The following SH3BP5 variants were observed in gnomAD, a reference collection of about 807,000 sequenced individuals.
The protein encoded by SH3BP5 is SH3 domain binding protein 5.
SH3BP5 carries 22 observed loss-of-function variants against 43.3 expected under a neutral mutation model. The ratio of observed to expected loss-of-function variants is 0.51; its 90% CI spans 0.36 to 0.73. The LOEUF (loss-of-function observed/expected upper bound fraction) is 0.73, where lower values mean the gene tolerates loss of function less well. Among genes scored for constraint, SH3BP5 ranks in the 30% least tolerant of loss-of-function variants. SH3BP5 has a pLI of 0.00. For synonymous variants in SH3BP5, 255 were observed against 225.8 expected (o/e 1.13, Z -1.16); for missense variants, 529 against 586.9 (o/e 0.90, Z 1.02).
chr3:15,277,456 G>A (rs1235243458), intron 3 of SH3BP5, among the ~76,000 whole-genome samples: 1 of 152,176 alleles, frequency 6.6e-6, no homozygotes, highest in East Asian at 1.9e-4. Flanking sequence ...CCAACGAGGA[G>A]CAGAGGAGAA....
chr3:15,332,104 T>A, intron 1 of SH3BP5, 167 bp downstream of exon 1: 1 of 1,114,742 alleles, frequency 9.0e-7, no homozygotes, highest in Non-Finnish European at 1.3e-6. Flanking sequence ...GCCTCCTCAT[T>A]GTGGAGACGA....
At chr3:15,300,741 G>A (rs1207342691) in intron 3 of SH3BP5, among the ~76,000 whole-genome samples, 1 of 152,132 alleles carries the variant, frequency 6.6e-6, no homozygotes, top group Non-Finnish European at 1.5e-5. Context: ...TTGGGGTTGA[G>A]GGGTAGGAGT....
In SH3BP5 at chr3:15,307,120, GC is replaced by G. The variant is rs561786494; in HGVS notation, c.202-2890del. Among the ~76,000 whole-genome samples, 20 of 152,274 alleles carry G rather than the reference GC, an allele frequency of 1.3e-4. No homozygotes were observed. The East Asian group carries it at 3.3e-3, about 25-fold the overall frequency. On this transcript the variant is annotated intron_variant, in intron 2 of 8. Coordinates refer to ENST00000383791, the MANE Select transcript of SH3BP5 (RefSeq NM_004844.5). Reference sequence around the variant, plus strand: ...GGCATTCCAAAATATGAGGATAAAAGCTTTACCTCCCATGGGAGCACCTCAG... The same window carrying G: ...GGCATTCCAAAATATGAGGATAAAAGTTTACCTCCCATGGGAGCACCTCAG...
chr3:15,275,197 C>T (rs1211323416), intron 3 of SH3BP5, among the ~76,000 whole-genome samples: 1 of 152,220 alleles, frequency 6.6e-6, no homozygotes, highest in African/African-American at 2.4e-5. Context: ...TTCTGCAAAG[C>T]AGGAGTGTAT....
intron 2 of SH3BP5, among the ~76,000 whole-genome samples, chr3:15,316,374 A>G (rs2125127923): frequency 6.6e-6 from 1 of 151,992 alleles, no homozygotes; most frequent in South Asian, 2.1e-4. Context: ...ACAGGTGCCC[A>G]CGACCACACT....
chr3:15,340,049 T>C (rs1021629280), intron 1 of SH3BP5, among the ~76,000 whole-genome samples: 1 of 152,140 alleles, frequency 6.6e-6, no homozygotes, highest in Non-Finnish European at 1.5e-5. Flanking sequence ...CTCATCACCA[T>C]GACCCAGCTT....
intron 7 of SH3BP5, 135 bp downstream of exon 7, chr3:15,258,696 G>A (rs1035939001): frequency 6.8e-5 from 46 of 672,202 alleles, no homozygotes; most frequent in Non-Finnish European, 1.1e-4. Flanking sequence ...TAAAACATGG[G>A]AACCCACCAG....
At chr3:15,277,216 C>A (rs570589835) in intron 3 of SH3BP5, among the ~76,000 whole-genome samples, 1 of 152,198 alleles carries the variant, frequency 6.6e-6, no homozygotes, top group Non-Finnish European at 1.5e-5. Context: ...AGGTGATCCG[C>A]CTGCCTCAGC....
intron 3 of SH3BP5, among the ~76,000 whole-genome samples, chr3:15,271,298 G>C (rs929452589): frequency 1.9e-4 from 29 of 152,222 alleles, no homozygotes; most frequent in African/African-American, 7.0e-4. Context: ...GACCGCTTGA[G>C]GTTACAGTGA....
At position 15,256,212 on chromosome 3, in the gene SH3BP5, A is replaced by G; in HGVS notation, c.1242T>C (p.Ser414=). ...LSSSSGSGGS[S]KSQSSTSPEG... ...CAGGGGAGGTGCTGCTTTGGCTCTT[A>G]CTGCTGCCACCACTGCCACTGCTAC... The change falls in exon 9 of 9, where the codon AGT becomes AGC. Residue 414 remains serine, a synonymous_variant. Coordinates refer to ENST00000383791, the MANE Select transcript of SH3BP5 (RefSeq NM_004844.5). 6.2e-7 allele frequency: 1 copy of G among 1,614,004 alleles called. No homozygotes were observed. The highest frequency in any genetic ancestry group is 8.5e-7 in the Non-Finnish European group (1 of 1,180,000).
At chr3:15,286,510 T>G (rs894842372) in intron 3 of SH3BP5, among the ~76,000 whole-genome samples, 15 of 152,386 alleles carry the variant, frequency 9.8e-5, no homozygotes, top group Non-Finnish European at 2.2e-4. Flanking sequence ...GACTACACCT[T>G]AAGCCTTTGT....
chr3:15,329,637 G>A (rs1394382599), intron 2 of SH3BP5, among the ~76,000 whole-genome samples: 1 of 152,148 alleles, frequency 6.6e-6, no homozygotes, highest in Admixed American at 6.5e-5. Context: ...TCACTCTTAG[G>A]GACCATGTGC....
chr3:15,262,020 AGG>A lies in SH3BP5; in HGVS notation c.626+137_626+138del. ...TATTAGGGGGAAAGAGAGCCTGAGC[AGG>A]GGGGCTCTGGTGAGGCCCCAGGGTC... On this transcript the variant is annotated intron_variant, in intron 5 of 8. Coordinates refer to ENST00000383791, the MANE Select transcript of SH3BP5 (RefSeq NM_004844.5). 1.1e-5 allele frequency: 10 copies of A among 885,090 alleles called. No individual in the cohort carries two copies. In the South Asian group the frequency reaches 1.8e-4, roughly 16 times the overall value. 54.8% of individuals were successfully genotyped at this position (885,090 alleles called of 1,614,324 possible). A position where few individuals can be genotyped will look rare whatever the true frequency, so the allele number is the denominator to read the frequency against.
chr3:15,323,021 C>T (rs1229254083), intron 2 of SH3BP5, among the ~76,000 whole-genome samples: 1 of 152,040 alleles, frequency 6.6e-6, no homozygotes, highest in Non-Finnish European at 1.5e-5. Flanking sequence ...TGCCTGTAAT[C>T]CCAGCTACTC....
rs557826778 is a variant in SH3BP5, at chr3:15,325,150, A to G, written c.201+5354T>C. Among the ~76,000 whole-genome samples, 229 of 152,370 alleles carry G rather than the reference A, an allele frequency of 1.5e-3. 1 individual carries two copies. The highest frequency in any genetic ancestry group is 5.0e-3 in the African/African-American group (206 of 41,584). ...AACCACATAAACATGGGCATAAAATATTACAAATCTTTATTCTGATTAGAC... is the reference window on the plus strand; with the variant it reads ...AACCACATAAACATGGGCATAAAATGTTACAAATCTTTATTCTGATTAGAC... On this transcript the variant is annotated intron_variant, in intron 2 of 8. Transcript: ENST00000383791.
rs546830568 is a variant in SH3BP5 at position 15,255,650 on chromosome 3, TTTTC to T, written c.*432_*435del. 1.3e-3 allele frequency: 195 copies of T among 155,414 alleles called. No individual in the cohort carries two copies. Among genetic ancestry groups the T allele is most frequent in the South Asian group, 4.0e-3 (20 of 4,988 alleles). The allele number at this position is 155,414 out of a possible 1,614,324, so 9.6% of individuals were successfully genotyped here. On this transcript the variant is annotated 3_prime_UTR_variant, in exon 9 of 9. Coordinates refer to ENST00000383791, the MANE Select transcript of SH3BP5 (RefSeq NM_004844.5). ...CTTGAGTTTTTGCTTTGTGTGTGGG[TTTTC>T]TTTCTTTTTCATTTAGATATCGTGG... is the stretch of plus-strand genomic sequence containing the variant.
intron 3 of SH3BP5, among the ~76,000 whole-genome samples, chr3:15,294,077 C>CAAAAAAAAAAAA (rs111324706): frequency 5.6e-5 from 4 of 70,882 alleles, no homozygotes; most frequent in East Asian, 3.7e-4. Flanking sequence ...GTCTCCATCT[C>CAAAAAAAAAAAA]AAAAAAAAAA....
chr3:15,281,398 G>A (rs6797251), intron 3 of SH3BP5, among the ~76,000 whole-genome samples: 3,422 of 152,170 alleles, frequency 0.022, 136 homozygotes, highest in African/African-American at 0.079. Flanking sequence ...TATATCCCTG[G>A]CACCAACAAT....
rs1696149511 is a variant in SH3BP5 at position 15,255,159 on chromosome 3, C to G, written c.*927G>C. ...ACAGCCTTTGCCAACACATGCCTGC[C>G]TACTCCCTTTCCTAACTTTAAAGAA... On this transcript the variant is annotated 3_prime_UTR_variant, in exon 9 of 9. Coordinates refer to ENST00000383791, the MANE Select transcript of SH3BP5 (RefSeq NM_004844.5). The G allele has an allele frequency of 6.6e-6, 1 of 152,612 alleles. No homozygotes were observed. Among genetic ancestry groups the G allele is most frequent in the African/African-American group, 2.4e-5 (1 of 41,426 alleles). The allele number at this position is 152,612 out of a possible 1,614,324, so 9.5% of individuals were successfully genotyped here.
Sources: gnomAD v4.1 joint callset for allele counts (sites outside exome capture counted in the v4.1 genomes callset) on GRCh38, gnomAD v4.1.1 for gene constraint, MANE v1.5 for transcripts, NCBI Gene and HGNC (gene_info 2026-07-23, HGNC 2026-07-21) for gene names.